Variants in TRERF1 observed in about 807,000 individuals in gnomAD.
TRERF1 encodes transcriptional-regulating factor 1.
A neutral mutation model predicts 122.9 loss-of-function variants in TRERF1; 27 were observed. That is an observed-to-expected ratio of 0.22 (90% CI 0.16 to 0.30). The LOEUF is 0.30. TRERF1 is among the 10% of genes least tolerant of loss of function. The pLI, the probability that TRERF1 is intolerant of heterozygous loss-of-function variation, is 1.00. For synonymous variants in TRERF1, 636 were observed against 641.7 expected (o/e 0.99, Z 0.13); for missense variants, 1,248 against 1,560.3 (o/e 0.80, Z 3.37).
At chr6:42,289,766 G>GC (rs755854443) in intron 4 of TRERF1, among the ~76,000 whole-genome samples, 2 of 152,194 alleles carry the variant, frequency 1.3e-5, no homozygotes, top group East Asian at 3.9e-4. Context: ...GTAGTTTGCT[G>GC]ACCCCCAGTG....
rs1370472362 is a variant in TRERF1 at position 42,263,315 on chromosome 6, C to T, written c.1884+5G>A. The T allele has an allele frequency of 6.2e-7, 1 of 1,609,110 alleles. No homozygotes were observed. Among genetic ancestry groups the T allele is most frequent in the Non-Finnish European group, 8.5e-7 (1 of 1,177,546 alleles). On this transcript the variant is annotated splice_donor_5th_base_variant and intron_variant, in intron 8 of 17. Coordinates refer to ENST00000372922, the Ensembl canonical transcript of TRERF1. The surrounding 1 kb of genome is among the most constrained non-coding windows in gnomAD (Gnocchi z 5.6). The stretch of plus-strand genomic sequence containing the variant: ...TGAGTGTGGGGGAGAGAGGGTCATC[C>T]TCACGAGCACAGGCATCTCGTCGTC...
exon 14 of TRERF1, chr6:42,246,477 G>C: frequency 6.3e-7 from 1 of 1,596,798 alleles, no homozygotes; most frequent in Non-Finnish European, 8.5e-7. Flanking sequence ...CAAAAATAAA[G>C]TCTTTGCTGT....
chr6:42,340,536 G>A (rs1254274359), intron 3 of TRERF1, among the ~76,000 whole-genome samples: 2 of 152,100 alleles, frequency 1.3e-5, no homozygotes, highest in East Asian at 1.9e-4. Context: ...CACCACATAA[G>A]AAGCTTCAGA....
chr6:42,273,342 A>G (rs949159656), intron 4 of TRERF1, among the ~76,000 whole-genome samples: 3 of 152,184 alleles, frequency 2.0e-5, no homozygotes, highest in Admixed American at 1.3e-4. Context: ...TAGGACTCCA[A>G]TAAGGATTTG....
intron 2 of TRERF1, among the ~76,000 whole-genome samples, chr6:42,365,627 T>C (rs1014986305): frequency 2.0e-5 from 3 of 152,172 alleles, no homozygotes; most frequent in African/African-American, 4.8e-5. Context: ...TATCTATAGA[T>C]GACAAAACAG....
At chr6:42,336,012 A>G (rs919858237) in intron 3 of TRERF1, among the ~76,000 whole-genome samples, 1 of 152,178 alleles carries the variant, frequency 6.6e-6, no homozygotes, top group Non-Finnish European at 1.5e-5. Context: ...CTTGCAGTCT[A>G]GCTGGTGTGA....
At chr6:42,416,590 T>A (rs1349366325) in intron 2 of TRERF1, among the ~76,000 whole-genome samples, 1 of 152,208 alleles carries the variant, frequency 6.6e-6, no homozygotes, top group Non-Finnish European at 1.5e-5. Context: ...GTTCTAATTA[T>A]GTTATTAGAA....
At chr6:42,285,272 G>A (rs1464671295) in intron 4 of TRERF1, among the ~76,000 whole-genome samples, 1 of 152,000 alleles carries the variant, frequency 6.6e-6, no homozygotes, top group Non-Finnish European at 1.5e-5. Flanking sequence ...CTCATGATTT[G>A]GCTCTCTGTT....
chr6:42,274,239 C>A (rs1217567317), intron 4 of TRERF1, among the ~76,000 whole-genome samples: 1 of 152,178 alleles, frequency 6.6e-6, no homozygotes, highest in Non-Finnish European at 1.5e-5. Context: ...GAGTCCGATG[C>A]ACGCTTAAGT....
chr6:42,292,443 C>T (rs1784453595), intron 4 of TRERF1, among the ~76,000 whole-genome samples: 3 of 152,140 alleles, frequency 2.0e-5, no homozygotes, highest in Non-Finnish European at 4.4e-5. Context: ...ATTTTATCCA[C>T]AATGATGATC....
Position 42,333,814 on chromosome 6 carries a change from C to T in TRERF1, c.-371+29183G>A, listed in dbSNP as rs573315199. Among the ~76,000 whole-genome samples, 14 of 152,326 alleles carry T rather than the reference C, an allele frequency of 9.2e-5. No homozygotes were observed. In the South Asian group the frequency reaches 1.7e-3, roughly 18 times the overall value. ...GAAATTGCCCCACAGACTCCACCAACGGATACAAAGACACTGAGGCCCAGG... is the reference window on the plus strand; with the variant it reads ...GAAATTGCCCCACAGACTCCACCAATGGATACAAAGACACTGAGGCCCAGG... On this transcript the variant is annotated intron_variant, in intron 3 of 17. Transcript: ENST00000372922.
chr6:42,300,586 A>C (rs1347486424), intron 4 of TRERF1, 52 bp downstream of exon 4: 1 of 152,642 alleles, frequency 6.6e-6, no homozygotes, highest in Non-Finnish European at 1.5e-5. Flanking sequence ...AGAAAGTGTT[A>C]AAATGAAAAT....
intron 13 of TRERF1, among the ~76,000 whole-genome samples, chr6:42,250,662 C>T (rs970825140): frequency 4.6e-5 from 7 of 152,246 alleles, no homozygotes; most frequent in Admixed American, 1.3e-4. Context: ...TTGAGAGTCC[C>T]CCCACACTCA....
At chr6:42,422,965 G>A (rs184231121) in intron 2 of TRERF1, among the ~76,000 whole-genome samples, 121 of 152,154 alleles carry the variant, frequency 8.0e-4, no homozygotes, top group Admixed American at 5.4e-3. Context: ...TCAGCCTCCC[G>A]AGTAGCTGGG....
intron 2 of TRERF1, among the ~76,000 whole-genome samples, chr6:42,364,104 C>T (rs1187792489): frequency 6.6e-6 from 1 of 152,248 alleles, no homozygotes; most frequent in Non-Finnish European, 1.5e-5. Flanking sequence ...GCTGGGCCTC[C>T]TCCCTGATGG....
intron 2 of TRERF1, among the ~76,000 whole-genome samples, chr6:42,377,228 T>C (rs1191586946): frequency 6.6e-6 from 1 of 152,230 alleles, no homozygotes; most frequent in African/African-American, 2.4e-5. Flanking sequence ...TACAATTCAC[T>C]GATTTTTAGG....
chr6:42,319,852 AATAAT>A (rs1048680474), intron 3 of TRERF1, among the ~76,000 whole-genome samples: 4 of 151,040 alleles, frequency 2.6e-5, no homozygotes, highest in Non-Finnish European at 5.9e-5. Context: ...ATAGACATAT[AATAAT>A]ATAATGCTAT....
intron 3 of TRERF1, among the ~76,000 whole-genome samples, chr6:42,347,675 A>G (rs414649): frequency 0.061 from 9,328 of 152,196 alleles, 778 homozygotes; most frequent in African/African-American, 0.19. Flanking sequence ...GTGGAGGACT[A>G]AAAACAAAAG....
chr6:42,421,026 G>A (rs1782680399), intron 2 of TRERF1, among the ~76,000 whole-genome samples: 1 of 152,234 alleles, frequency 6.6e-6, no homozygotes, highest in Non-Finnish European at 1.5e-5. Flanking sequence ...TTTTGAGAAA[G>A]CTGGGCTCAG....
Sources: gnomAD v4.1 joint callset for allele counts (sites outside exome capture counted in the v4.1 genomes callset) on GRCh38, gnomAD v4.1.1 for gene constraint, Gnocchi (gnomAD v3.1) non-coding constraint, MANE v1.5 for transcripts, NCBI Gene and HGNC (gene_info 2026-07-23, HGNC 2026-07-21) for gene names.